The following SDK1 variants were observed in gnomAD, a reference collection of about 807,000 sequenced individuals.
SDK1 encodes protein sidekick-1.
SDK1 carries 157 observed loss-of-function variants against 245.5 expected under a neutral mutation model. That is an observed-to-expected ratio of 0.64 (90% CI 0.56 to 0.73). The LOEUF is 0.73. SDK1 is among the 30% of genes least tolerant of loss of function. The probability of loss-of-function intolerance (pLI) is 0.00; values close to 1 mark genes in which losing one functional copy is unlikely to be tolerated. For missense variants in SDK1, 3,583 were observed against 3,002.3 expected (o/e 1.19, Z -4.52); for synonymous variants, 1,647 against 1,278.5 (o/e 1.29, Z -6.15).
chr7:3,372,768 G>T (rs1186614603), intron 1 of SDK1, among the ~76,000 whole-genome samples: 1 of 152,214 alleles, frequency 6.6e-6, no homozygotes, highest in East Asian at 1.9e-4. Context: ...AGAGCACACA[G>T]TGTAGGAGAG....
At chr7:3,519,301 G>T (rs1053303077) in intron 1 of SDK1, among the ~76,000 whole-genome samples, 8 of 152,072 alleles carry the variant, frequency 5.3e-5, no homozygotes, top group African/African-American at 1.7e-4. Flanking sequence ...CCAACACAAA[G>T]AAGTGATAAA....
chr7:3,609,888 A>T (rs930502707), intron 1 of SDK1, among the ~76,000 whole-genome samples: 1 of 151,604 alleles, frequency 6.6e-6, no homozygotes, highest in African/African-American at 2.4e-5. Context: ...TTTAGTAGAG[A>T]TGGGGTCTTG....
chr7:3,636,700 C>G (rs1260173364), intron 2 of SDK1, among the ~76,000 whole-genome samples: 1 of 152,134 alleles, frequency 6.6e-6, no homozygotes, highest in African/African-American at 2.4e-5. Context: ...TCTTTCAGTT[C>G]TTGGGAAATA....
intron 4 of SDK1, among the ~76,000 whole-genome samples, chr7:3,748,250 G>A (rs964734674): frequency 2.0e-5 from 3 of 152,034 alleles, no homozygotes; most frequent in South Asian, 4.2e-4. Flanking sequence ...TTGTTTTTAC[G>A]GTGATTTTTC....
intron 37 of SDK1, among the ~76,000 whole-genome samples, chr7:4,209,576 T>G (rs1584451755): frequency 6.6e-6 from 1 of 151,944 alleles, no homozygotes; most frequent in Non-Finnish European, 1.5e-5. Flanking sequence ...GAGCCAGGGG[T>G]GTCCCCCAAA....
At chr7:3,560,625 C>A (rs1779718984) in intron 1 of SDK1, among the ~76,000 whole-genome samples, 1 of 152,190 alleles carries the variant, frequency 6.6e-6, no homozygotes, top group Admixed American at 6.5e-5. Flanking sequence ...AGTCTCCACA[C>A]AGCGTTGGCA....
At chr7:3,850,833 GA>G (rs1231019439) in intron 5 of SDK1, among the ~76,000 whole-genome samples, 1 of 136,498 alleles carries the variant, frequency 7.3e-6, no homozygotes, top group African/African-American at 2.7e-5. Context: ...ACAGGAAGGG[GA>G]ACATCACACA....
At chr7:3,489,355 G>C (rs542688964) in intron 1 of SDK1, among the ~76,000 whole-genome samples, 2 of 152,210 alleles carry the variant, frequency 1.3e-5, no homozygotes, top group Admixed American at 6.5e-5. Flanking sequence ...TGAGCGTATT[G>C]TGGAAATTTT....
intron 40 of SDK1, 23 bp downstream of exon 40, chr7:4,221,387 C>A: frequency 6.3e-7 from 1 of 1,590,444 alleles, no homozygotes; most frequent in Non-Finnish European, 8.6e-7. Flanking sequence ...GCCCCACAAA[C>A]GGGGTCTCAG....
intron 4 of SDK1, among the ~76,000 whole-genome samples, chr7:3,667,291 A>G (rs1037875093): frequency 6.6e-6 from 1 of 152,214 alleles, no homozygotes; most frequent in Admixed American, 6.5e-5. Context: ...TGCAGCATCT[A>G]CTTATTCCAT....
intron 5 of SDK1, among the ~76,000 whole-genome samples, chr7:3,840,774 C>T (rs1158373862): frequency 6.6e-6 from 1 of 152,202 alleles, no homozygotes; most frequent in Admixed American, 6.5e-5. Flanking sequence ...ATCCGAGAAT[C>T]GCGAGCCTCG....
At chr7:3,541,418 C>A (rs1779050509) in intron 1 of SDK1, among the ~76,000 whole-genome samples, 1 of 152,164 alleles carries the variant, frequency 6.6e-6, no homozygotes, top group Non-Finnish European at 1.5e-5. Flanking sequence ...TGCCTCTATG[C>A]CTTTCTCATG....
intron 5 of SDK1, among the ~76,000 whole-genome samples, chr7:3,869,570 G>C (rs1186673473): frequency 1.3e-5 from 2 of 152,156 alleles, no homozygotes; most frequent in African/African-American, 4.8e-5. Context: ...TGTGCCCCCA[G>C]CCCGCTGCGT....
At chr7:4,237,619 T>C in intron 41 of SDK1, 28 bp from the exon 42 acceptor site, 1 of 1,613,982 alleles carries the variant, frequency 6.2e-7, no homozygotes, top group Non-Finnish European at 8.5e-7. Flanking sequence ...CTGCCCCATG[T>C]CATTGTGTGT....
At chr7:4,139,733 G>A (rs539006858) in intron 28 of SDK1, among the ~76,000 whole-genome samples, 4 of 142,048 alleles carry the variant, frequency 2.8e-5, no homozygotes, top group South Asian at 2.4e-4. Flanking sequence ...GTGTGTGTGT[G>A]TGTATGTGTG....
intron 5 of SDK1, among the ~76,000 whole-genome samples, chr7:3,880,695 TC>T (rs1781187581): frequency 6.6e-6 from 1 of 151,966 alleles, no homozygotes; most frequent in African/African-American, 2.4e-5. Flanking sequence ...AAAAACACAT[TC>T]CCCAGGTCGA....
intron 1 of SDK1, among the ~76,000 whole-genome samples, chr7:3,418,907 G>A (rs922225814): frequency 2.0e-5 from 3 of 152,144 alleles, no homozygotes; most frequent in African/African-American, 4.8e-5. Flanking sequence ...TGAAGAACTC[G>A]TATATGTAAA....
chr7:3,987,912 C>T (rs1345107802), intron 14 of SDK1, among the ~76,000 whole-genome samples: 1 of 152,112 alleles, frequency 6.6e-6, no homozygotes, highest in African/African-American at 2.4e-5. Flanking sequence ...CCGCCGTGTG[C>T]ACCCACTCAC....
intron 17 of SDK1, among the ~76,000 whole-genome samples, chr7:4,020,185 G>T (rs1786773694): frequency 6.6e-6 from 1 of 151,976 alleles, no homozygotes. Flanking sequence ...GGATAAATTG[G>T]GGGCTGATAA....
Sources: gnomAD v4.1 joint callset for allele counts (sites outside exome capture counted in the v4.1 genomes callset) on GRCh38, gnomAD v4.1.1 for gene constraint, MANE v1.5 for transcripts, NCBI Gene and HGNC (gene_info 2026-07-23, HGNC 2026-07-21) for gene names.